Variants in KDM3B observed in about 807,000 individuals in gnomAD.
The protein encoded by KDM3B is lysine demethylase 3B, also known as lysine-specific demethylase 3B.
In KDM3B, 10 loss-of-function variants were observed where a neutral mutation model predicts 170.0. That is an observed-to-expected ratio of 0.06 (90% CI 0.04 to 0.10). KDM3B has a LOEUF of 0.10. KDM3B is among the 10% of genes least tolerant of loss of function. The pLI is 1.00. For synonymous variants in KDM3B, 831 were observed against 834.8 expected, an observed-to-expected ratio of 1.00 and a Z score of 0.08; for missense variants, 1,394 against 2,195.2, an observed-to-expected ratio of 0.64 and a Z score of 7.29.
chr5:138,400,753 C>CAGTT (rs113893203), intron 11 of KDM3B, among the ~76,000 whole-genome samples: 41 of 151,372 alleles, frequency 2.7e-4, no homozygotes, highest in Admixed American at 8.5e-4. Flanking sequence ...GTCTAAAAAT[C>CAGTT]AATTAAAGTA....
intron 21 of KDM3B, 58 bp from the exon 22 acceptor site, chr5:138,430,191 G>T: frequency 6.3e-7 from 1 of 1,577,936 alleles, no homozygotes; most frequent in African/African-American, 1.3e-5. Context: ...CAGCAAGTTG[G>T]ATTTATGCTG....
intron 1 of KDM3B, among the ~76,000 whole-genome samples, chr5:138,359,465 CTTTT>C (rs35535602): frequency 5.0e-5 from 6 of 119,564 alleles, no homozygotes; most frequent in Admixed American, 1.9e-4. Context: ...CCCCCCCCAC[CTTTT>C]TTTTTTTTTT....
At position 138,419,279 on chromosome 5, in the gene KDM3B, G is replaced by GT. The variant is rs750324332; in HGVS notation, c.3715+53dup. 2.1e-5 allele frequency: 33 copies of GT among 1,563,744 alleles called. 1 individual carries two copies. In the East Asian group the frequency reaches 5.7e-4, roughly 27 times the overall value. On this transcript the variant is annotated intron_variant, in intron 14 of 23. Coordinates refer to ENST00000314358, the MANE Select transcript of KDM3B (RefSeq NM_016604.4). ...GCTCTGCCTATGGTAGAAATCATGA[G>GT]TTTTTTCCAGGATTCTTTGAACTCA...
In KDM3B at chr5:138,381,549, A is replaced by G. The variant is rs111831994; in HGVS notation, c.739A>G (p.Ile247Val). 6.2e-7 allele frequency: 1 copy of G among 1,605,640 alleles called. No homozygotes were observed. The highest frequency in any genetic ancestry group is 8.5e-7 in the Non-Finnish European group (1 of 1,172,072). ...GATCAAGTCGGTAGATCCCAGACTA[A>G]TCCATGTGATGCTGATGGATAATTC... ...GEIKSVDPRL[I>V]HVMLMDNSAP... The change falls in exon 6 of 24, where the codon ATC becomes GTC. Residue 247 changes from isoleucine (I) to valine (V), a missense_variant. Around this residue, in one of 19 missense-constraint regions of KDM3B, gnomAD observed 166 missense variants for 216.4 expected, o/e 0.77. Transcript: ENST00000314358.
chr5:138,359,576 G>A (rs1430610801), intron 1 of KDM3B, among the ~76,000 whole-genome samples: 2 of 151,174 alleles, frequency 1.3e-5, no homozygotes, highest in African/African-American at 4.9e-5. Flanking sequence ...CAAAGTGCTT[G>A]GATTACAGGC....
At chr5:138,415,002 GT>G in intron 11 of KDM3B, 129 bp from the exon 12 acceptor site, 1 of 502,330 alleles carries the variant, frequency 2.0e-6, no homozygotes, top group Admixed American at 3.3e-5. Flanking sequence ...GGGGCTTTTT[GT>G]TTTTTTAAGT....
In KDM3B at chr5:138,391,510, C is replaced by T. The variant is rs373506894; in HGVS notation, c.1878C>T (p.Pro626=). Residue 626 remains proline, a synonymous_variant, in exon 8 of 24, where the codon CCC becomes CCT. Coordinates refer to ENST00000314358, the MANE Select transcript of KDM3B (RefSeq NM_016604.4). This position sits in a 1 kb window ranked among gnomAD's most constrained non-coding sequence, Gnocchi z 5.0. ...ATGAAAATCTATTTTTACAGCCCCC[C>T]AAATTGTCCCGAGAAGAGCCTTCTA... ...ENHENLFLQP[P]KLSREEPSNP... 3.1e-6 allele frequency: 5 copies of T among 1,614,100 alleles called. No individual in the cohort carries two copies. In the Admixed American group the frequency reaches 6.7e-5, roughly 22 times the overall value.
rs146065461 is a variant in KDM3B at position 138,368,233 on chromosome 5, T to A, written c.193-4441T>A. 6.0e-4 allele frequency among the ~76,000 whole-genome samples: 91 copies of A among 150,984 alleles called. No homozygotes were observed. In the Middle Eastern group the frequency reaches 0.01, roughly 17 times the overall value. ...GGTTGTTCTTCTTCTTTTTCTTTCT[T>A]TCTTTTTTTTTTTTTTGGAGACAGG... On this transcript the variant is annotated intron_variant, in intron 1 of 23. Coordinates refer to ENST00000314358, the MANE Select transcript of KDM3B (RefSeq NM_016604.4).
intron 6 of KDM3B, among the ~76,000 whole-genome samples, chr5:138,382,434 A>G (rs938213375): frequency 6.6e-6 from 1 of 152,192 alleles, no homozygotes; most frequent in African/African-American, 2.4e-5. Flanking sequence ...CCTGGGTGAT[A>G]GAGCAAGACT....
chr5:138,379,548 C>G, intron 4 of KDM3B, 36 bp from the exon 5 acceptor site: 6 of 1,565,828 alleles, frequency 3.8e-6, no homozygotes, highest in Non-Finnish European at 5.2e-6. Flanking sequence ...TATAGCTTAG[C>G]CAAAAATACT....
chr5:138,372,885 CTATAA>C (rs1214586473), intron 2 of KDM3B, 44 bp downstream of exon 2: 5 of 1,537,628 alleles, frequency 3.3e-6, no homozygotes, highest in Non-Finnish European at 4.4e-6. Flanking sequence ...AGCTTTACTC[CTATAA>C]TATAACTATG....
At chr5:138,419,435 G>A (rs544971023) in intron 14 of KDM3B, among the ~76,000 whole-genome samples, 15 of 151,748 alleles carry the variant, frequency 9.9e-5, no homozygotes, top group Non-Finnish European at 1.9e-4. Context: ...CGGGCAGATC[G>A]CGAGGTCAGG....
At chr5:138,423,227 A>G (rs928054319) in intron 15 of KDM3B, among the ~76,000 whole-genome samples, 2 of 152,218 alleles carry the variant, frequency 1.3e-5, no homozygotes, top group Non-Finnish European at 2.9e-5. Context: ...ATTAACAGGC[A>G]TGAGCCACCG....
chr5:138,404,233 T>G (rs1321843028), intron 11 of KDM3B, among the ~76,000 whole-genome samples: 1 of 152,124 alleles, frequency 6.6e-6, no homozygotes, highest in African/African-American at 2.4e-5. Flanking sequence ...ATTTCCAGAT[T>G]TGGTGAAAAT....
At chr5:138,435,546 A>G (rs1763651940) in intron 23 of KDM3B, 74 bp from the exon 24 acceptor site, 1 of 1,177,416 alleles carries the variant, frequency 8.5e-7, no homozygotes, top group African/African-American at 1.5e-5. Context: ...CTAAACCAGT[A>G]GGCTTACAGT....
chr5:138,368,221 C>A (rs1323545701), intron 1 of KDM3B, among the ~76,000 whole-genome samples: 1 of 150,358 alleles, frequency 6.7e-6, no homozygotes. Flanking sequence ...TGTTCTTCTT[C>A]TTTTTCTTTC....
chr5:138,389,820 C>G (rs1762381502), intron 7 of KDM3B, among the ~76,000 whole-genome samples: 1 of 145,570 alleles, frequency 6.9e-6, no homozygotes, highest in Non-Finnish European at 1.5e-5. Context: ...GTGTCCCTTT[C>G]TCTTGTCTGT....
At position 138,436,843 on chromosome 5, in the gene KDM3B, T is replaced by C. The variant is rs1763686777; in HGVS notation, c.*1143T>C. ...ATTGGCCCATAGGTACATTGGAAAA[T>C]GTATATCTCTCCAGCTGTACTGTAG... On this transcript the variant is annotated 3_prime_UTR_variant, in exon 24 of 24. Coordinates refer to ENST00000314358, the MANE Select transcript of KDM3B (RefSeq NM_016604.4). 1 of 152,040 alleles carries C rather than the reference T, an allele frequency of 6.6e-6. No individual in the cohort carries two copies. The highest frequency in any genetic ancestry group is 6.6e-5 in the Admixed American group (1 of 15,254). The allele number at this position is 152,040 out of a possible 1,614,324, so 9.4% of individuals were successfully genotyped here. A position where few individuals can be genotyped will look rare whatever the true frequency, so the allele number is the denominator to read the frequency against.
intron 1 of KDM3B, among the ~76,000 whole-genome samples, chr5:138,368,879 A>G (rs1447037420): frequency 6.6e-6 from 1 of 152,218 alleles, no homozygotes; most frequent in Non-Finnish European, 1.5e-5. Context: ...TAATGTTTTT[A>G]GGTATGCGAT....
Sources: gnomAD v4.1 joint callset for allele counts (sites outside exome capture counted in the v4.1 genomes callset) on GRCh38, gnomAD v4.1.1 for gene constraint, gnomAD v4.1.1 regional missense constraint, Gnocchi (gnomAD v3.1) non-coding constraint, MANE v1.5 for transcripts, NCBI Gene and HGNC (gene_info 2026-07-23, HGNC 2026-07-21) for gene names.